Variants in SLC44A3 observed in about 807,000 individuals in gnomAD.
SLC44A3 encodes the protein choline transporter-like protein 3.
A neutral mutation model predicts 75.4 loss-of-function variants in SLC44A3; 74 were observed. The observed-to-expected ratio is 0.98, with a 90% CI of 0.81 to 1.19. The LOEUF (loss-of-function observed/expected upper bound fraction) is 1.19, where lower values mean the gene tolerates loss of function less well. SLC44A3 is among the 50% of genes most tolerant of loss of function. The probability of loss-of-function intolerance (pLI) is 0.00; values close to 1 mark genes in which losing one functional copy is unlikely to be tolerated. For synonymous variants in SLC44A3, 310 were observed against 296.9 expected (o/e 1.04, Z -0.45); for missense variants, 700 against 778.6 (o/e 0.90, Z 1.20).
intron 10 of SLC44A3, among the ~76,000 whole-genome samples, chr1:94,863,631 A>G (rs1473086435): frequency 1.3e-5 from 2 of 152,216 alleles, no homozygotes; most frequent in East Asian, 1.9e-4. Context: ...ATGAATTCCT[A>G]TTAGCAATAG....
At chr1:94,887,075 G>A (rs902487228) in intron 12 of SLC44A3, among the ~76,000 whole-genome samples, 3 of 151,854 alleles carry the variant, frequency 2.0e-5, no homozygotes, top group Non-Finnish European at 4.4e-5. Context: ...CCAATAAAAC[G>A]TGTTTCCTAG....
At chr1:94,843,879 G>A (rs530983518) in intron 8 of SLC44A3, among the ~76,000 whole-genome samples, 4 of 150,684 alleles carry the variant, frequency 2.7e-5, no homozygotes, top group Middle Eastern at 3.2e-3. Context: ...GGGGCGGGGT[G>A]GGGGGGGTGG....
intron 9 of SLC44A3, among the ~76,000 whole-genome samples, chr1:94,851,504 G>C (rs1665212243): frequency 6.6e-6 from 1 of 152,182 alleles, no homozygotes; most frequent in South Asian, 2.1e-4. Context: ...ACACGTGAGG[G>C]CCAGGACCAT....
intron 9 of SLC44A3, among the ~76,000 whole-genome samples, chr1:94,852,390 A>G (rs940996446): frequency 6.6e-6 from 1 of 152,222 alleles, no homozygotes; most frequent in Non-Finnish European, 1.5e-5. Context: ...GTGCAGAGCC[A>G]TAAGACCATC....
In SLC44A3 at chr1:94,845,278, G is replaced by C; in HGVS notation, c.886G>C (p.Ala296Pro). Residue 296 changes from alanine to proline, a missense_variant and splice_region_variant, in exon 9 of 15, where the codon GCA (alanine) becomes CCA (proline). Transcript: ENST00000271227. ...TTTACTCAAATCCCTTTCTCACCAG[G>C]CAGTGCTGCTCGTCTTGATTTTTGT... ...GFAIVSTGITAVLLVLIFVLR... is the reference protein window; with the variant it reads ...GFAIVSTGITPVLLVLIFVLR... 6.2e-7 allele frequency: 1 copy of C among 1,602,252 alleles called. No homozygotes were observed. Among genetic ancestry groups the C allele is most frequent in the Non-Finnish European group, 8.5e-7 (1 of 1,174,160 alleles).
chr1:94,850,274 C>G (rs1002864611), intron 9 of SLC44A3, among the ~76,000 whole-genome samples: 1 of 152,024 alleles, frequency 6.6e-6, no homozygotes, highest in African/African-American at 2.4e-5. Flanking sequence ...TGGGATTTGT[C>G]TGGTACCAGC....
At chr1:94,855,797 A>G (rs1665799873) in intron 9 of SLC44A3, among the ~76,000 whole-genome samples, 1 of 152,222 alleles carries the variant, frequency 6.6e-6, no homozygotes, top group Non-Finnish European at 1.5e-5. Context: ...AGGACTCCTG[A>G]ATGACGAGCC....
intron 12 of SLC44A3, among the ~76,000 whole-genome samples, chr1:94,878,982 A>G (rs1205735134): frequency 6.6e-6 from 1 of 152,212 alleles, no homozygotes; most frequent in East Asian, 1.9e-4. Context: ...AATAAAATAC[A>G]GGAGAAAAGT....
chr1:94,839,884 A>G (rs859120), intron 6 of SLC44A3, 64 bp from the exon 7 acceptor site: 637,468 of 1,165,204 alleles, frequency 0.55, 175,707 homozygotes, highest in East Asian at 0.68. Flanking sequence ...TCATCGCAGT[A>G]CTACCATCAT....
intron 12 of SLC44A3, among the ~76,000 whole-genome samples, chr1:94,881,784 C>T (rs948141418): frequency 6.8e-6 from 1 of 146,460 alleles, no homozygotes; most frequent in South Asian, 2.2e-4. Context: ...GAGGCTGAGG[C>T]GGGTGGATCA....
chr1:94,838,977 A>G (rs1319941125), intron 6 of SLC44A3: 1 of 152,238 alleles, frequency 6.6e-6, no homozygotes, highest in Non-Finnish European at 1.5e-5. Flanking sequence ...TCAGAATCCC[A>G]GTACCACTCA....
intron 9 of SLC44A3, among the ~76,000 whole-genome samples, chr1:94,847,185 A>G (rs185189186): frequency 1.3e-5 from 2 of 152,362 alleles, no homozygotes; most frequent in East Asian, 1.9e-4. Flanking sequence ...ATGTAAGGTA[A>G]TTTCTCTGTC....
At chr1:94,868,346 C>A (rs1213110468) in intron 12 of SLC44A3, among the ~76,000 whole-genome samples, 1 of 152,226 alleles carries the variant, frequency 6.6e-6, no homozygotes, top group East Asian at 1.9e-4. Context: ...CTAATTAGAC[C>A]ACCTATGTTT....
At chr1:94,857,240 G>A in intron 9 of SLC44A3, 95 bp from the exon 10 acceptor site, 1 of 1,311,882 alleles carries the variant, frequency 7.6e-7, no homozygotes, top group Non-Finnish European at 1.0e-6. Context: ...TTTATGTAAT[G>A]CCAAAGGCCA....
chr1:94,820,594 C>T, intron 1 of SLC44A3, 116 bp downstream of exon 1: 1 of 1,414,450 alleles, frequency 7.1e-7, no homozygotes, highest in Non-Finnish European at 9.3e-7. Context: ...TCGGGGATCC[C>T]GCCCCCGCTT....
chr1:94,876,194 T>C (rs1302242942), intron 12 of SLC44A3, among the ~76,000 whole-genome samples: 1 of 152,226 alleles, frequency 6.6e-6, no homozygotes, highest in East Asian at 1.9e-4. Context: ...AAGGGAACTT[T>C]CCAGTCTAAG....
At chr1:94,883,077 T>G (rs1440322981) in intron 12 of SLC44A3, among the ~76,000 whole-genome samples, 3 of 151,242 alleles carry the variant, frequency 2.0e-5, no homozygotes, top group Non-Finnish European at 2.9e-5. Flanking sequence ...CAGAAGGCAT[T>G]TCAGCAGAGA....
At chr1:94,891,318 A>G (rs113592823) in intron 13 of SLC44A3, 51 bp downstream of exon 13, 2 of 1,548,764 alleles carry the variant, frequency 1.3e-6, no homozygotes, top group Non-Finnish European at 1.7e-6. Context: ...AAATTAAGCC[A>G]TACAACAATT....
intron 10 of SLC44A3, 147 bp from the exon 11 acceptor site, chr1:94,864,596 A>C: frequency 1.5e-6 from 1 of 647,210 alleles, no homozygotes; most frequent in South Asian, 2.8e-5. Context: ...AATTTAACCG[A>C]AGCTACCAAG....
Sources: gnomAD v4.1 joint callset for allele counts (sites outside exome capture counted in the v4.1 genomes callset) on GRCh38, gnomAD v4.1.1 for gene constraint, MANE v1.5 for transcripts, NCBI Gene and HGNC (gene_info 2026-07-23, HGNC 2026-07-21) for gene names.